The following ALK variants were observed in gnomAD, a reference collection of about 807,000 sequenced individuals.
ALK encodes the protein ALK tyrosine kinase receptor.
ALK carries 74 observed loss-of-function variants against 163.1 expected under a neutral mutation model. That is an observed-to-expected ratio of 0.45 (90% CI 0.38 to 0.55). ALK has a LOEUF of 0.55. ALK is among the 20% of genes least tolerant of loss of function. ALK has a pLI of 0.00. For synonymous variants in ALK, 960 were observed against 843.2 expected (o/e 1.14, Z -2.40); for missense variants, 2,063 against 2,105.3 (o/e 0.98, Z 0.39).
At chr2:29,799,505 C>T (rs1558493362) in intron 1 of ALK, among the ~76,000 whole-genome samples, 1 of 145,106 alleles carries the variant, frequency 6.9e-6, no homozygotes, top group South Asian at 2.2e-4. Flanking sequence ...TGTCTCAAAA[C>T]AAAACAAACA....
chr2:29,604,399 CAT>C (rs1320784333), intron 3 of ALK, among the ~76,000 whole-genome samples: 4 of 152,224 alleles, frequency 2.6e-5, no homozygotes, highest in South Asian at 2.1e-4. Context: ...GAAGTTCACA[CAT>C]GTGTCAGGGA....
intron 4 of ALK, among the ~76,000 whole-genome samples, chr2:29,478,793 T>C (rs1443061571): frequency 6.6e-6 from 1 of 151,922 alleles, no homozygotes; most frequent in Non-Finnish European, 1.5e-5. Context: ...GCAGGCAGGA[T>C]TTGGAAAGGT....
intron 3 of ALK, among the ~76,000 whole-genome samples, chr2:29,689,137 T>C (rs1678321327): frequency 6.7e-6 from 1 of 148,416 alleles, no homozygotes; most frequent in Non-Finnish European, 1.5e-5. Context: ...CATGTAGGTG[T>C]CAGAGGTCCC....
intron 1 of ALK, among the ~76,000 whole-genome samples, chr2:29,770,095 T>C (rs961650496): frequency 5.9e-5 from 9 of 152,200 alleles, no homozygotes; most frequent in Non-Finnish European, 8.8e-5. Context: ...AAGGCTTCTT[T>C]ACTATCTGGA....
intron 1 of ALK, among the ~76,000 whole-genome samples, chr2:29,835,776 GA>G (rs1665541943): frequency 6.6e-6 from 1 of 152,152 alleles, no homozygotes; most frequent in Non-Finnish European, 1.5e-5. Flanking sequence ...TTTATAGGGG[GA>G]AACCCCCTTT....
At position 29,594,841 on chromosome 2, in the gene ALK, C is replaced by T. The variant is rs1349658384; in HGVS notation, c.953-62725G>A. ...TGTGGGGGTTCTCTTCTCTTTCTCA[C>T]TTCTTTCAAAAGAATGCAGTGAAGC... On this transcript the variant is annotated intron_variant, in intron 3 of 28. Coordinates refer to ENST00000389048, the MANE Select transcript of ALK (RefSeq NM_004304.5). 5.6e-5 allele frequency among the ~76,000 whole-genome samples: 7 copies of T among 126,012 alleles called. No homozygotes were observed. The East Asian group carries it at 1.4e-3, about 25-fold the overall frequency. 82.7% of individuals were successfully genotyped at this position (126,012 alleles called of 152,430 possible).
At chr2:29,729,799 C>T (rs1332380174) in intron 1 of ALK, among the ~76,000 whole-genome samples, 1 of 152,006 alleles carries the variant, frequency 6.6e-6, no homozygotes, top group Non-Finnish European at 1.5e-5. Context: ...AATACACTTT[C>T]GGTTTTACTA....
At chr2:29,296,736 TGTGTGC>T in intron 9 of ALK, 146 bp downstream of exon 9, 1 of 781,908 alleles carries the variant, frequency 1.3e-6, no homozygotes, top group South Asian at 1.6e-5. Context: ...TGTGTGTGTG[TGTGTGC>T]ACGTGCGTGC....
intron 5 of ALK, among the ~76,000 whole-genome samples, chr2:29,380,687 G>C (rs1461993110): frequency 6.6e-6 from 1 of 152,112 alleles, no homozygotes; most frequent in African/African-American, 2.4e-5. Flanking sequence ...GCCCACCTCA[G>C]CCTCACAAAG....
chr2:29,421,885 A>C (rs1364336655), intron 4 of ALK, among the ~76,000 whole-genome samples: 1 of 151,616 alleles, frequency 6.6e-6, no homozygotes, highest in East Asian at 1.9e-4. Context: ...AGAACACCCC[A>C]CTGTAATATC....
chr2:29,202,274 T>TC (rs1279627704), intron 26 of ALK, among the ~76,000 whole-genome samples: 1 of 152,060 alleles, frequency 6.6e-6, no homozygotes, highest in Non-Finnish European at 1.5e-5. Flanking sequence ...GTAAGGAGCT[T>TC]CCCCCCGCCC....
At chr2:29,349,912 C>T (rs182610747) in intron 5 of ALK, among the ~76,000 whole-genome samples, 111 of 152,306 alleles carry the variant, frequency 7.3e-4, no homozygotes, top group African/African-American at 2.4e-3. Flanking sequence ...GGTCAGGAGA[C>T]ACCTGGCTGG....
At chr2:29,474,301 T>C (rs1671447744) in intron 4 of ALK, among the ~76,000 whole-genome samples, 1 of 151,944 alleles carries the variant, frequency 6.6e-6, no homozygotes, top group Admixed American at 6.6e-5. Context: ...GGGAAAGAAG[T>C]CAAATAGTAA....
chr2:29,898,317 C>G (rs1667325297), intron 1 of ALK, among the ~76,000 whole-genome samples: 1 of 152,218 alleles, frequency 6.6e-6, no homozygotes. Flanking sequence ...TGAAACTGAT[C>G]AAATGCGATT....
At chr2:29,588,220 G>T (rs535478856) in intron 3 of ALK, among the ~76,000 whole-genome samples, 64 of 152,026 alleles carry the variant, frequency 4.2e-4, no homozygotes, top group African/African-American at 1.5e-3. Context: ...AGAGATGAGA[G>T]AAAAATTTTT....
intron 3 of ALK, among the ~76,000 whole-genome samples, chr2:29,537,817 G>T (rs1328389041): frequency 1.3e-5 from 2 of 152,268 alleles, no homozygotes; most frequent in Admixed American, 6.5e-5. Context: ...GGGTGGAGCT[G>T]CCTAAGGCCC....
intron 1 of ALK, chr2:29,890,323 C>T (rs1572473849): frequency 6.6e-6 from 1 of 152,126 alleles, no homozygotes; most frequent in East Asian, 1.9e-4. Flanking sequence ...GTCAAACAGG[C>T]CTGGGCCTGA....
rs1333220771 is a variant in ALK at position 29,197,817 on chromosome 2, G to T, written c.3939-141C>A. On this transcript the variant is annotated intron_variant, in intron 26 of 28. Coordinates refer to ENST00000389048, the MANE Select transcript of ALK (RefSeq NM_004304.5). ...TTCCATAACATAGAACTCTTAAAAT[G>T]TAGAAAAATTTAAAAAATAAGAAAA... is the stretch of plus-strand genomic sequence containing the variant. 2.0e-5 allele frequency: 15 copies of T among 748,828 alleles called. No individual in the cohort carries two copies. The East Asian group carries it at 3.2e-4, about 16-fold the overall frequency. The allele number at this position is 748,828 out of a possible 1,614,324, so 46.4% of individuals were successfully genotyped here.
At chr2:29,530,493 C>G (rs1402416236) in intron 4 of ALK, among the ~76,000 whole-genome samples, 5 of 152,220 alleles carry the variant, frequency 3.3e-5, no homozygotes, top group African/African-American at 4.8e-5. Flanking sequence ...CCTGAGGGCT[C>G]AGAAGCCTCA....
Sources: gnomAD v4.1 joint callset for allele counts (sites outside exome capture counted in the v4.1 genomes callset) on GRCh38, gnomAD v4.1.1 for gene constraint, MANE v1.5 for transcripts, NCBI Gene and HGNC (gene_info 2026-07-23, HGNC 2026-07-21) for gene names.